Variants in ABCB4 observed in about 807,000 individuals in gnomAD.
ABCB4 encodes ATP binding cassette subfamily B member 4.
Under a neutral mutation model 145.7 loss-of-function variants are expected in ABCB4, and 76 were observed. The observed-to-expected ratio is 0.52, with a 90% CI of 0.43 to 0.63. The LOEUF (loss-of-function observed/expected upper bound fraction) is 0.63. Ranked by LOEUF, ABCB4 falls within the 30% of genes least tolerant of loss-of-function variation. The probability of loss-of-function intolerance (pLI) is 0.00; values close to 1 mark genes in which losing one functional copy is unlikely to be tolerated. For synonymous variants in ABCB4, 517 were observed against 566.8 expected (o/e 0.91, Z 1.25); for missense variants, 1,234 against 1,553.1 (o/e 0.79, Z 3.45).
chr7:87,402,835 C>T (rs911356716), intron 27 of ABCB4, among the ~76,000 whole-genome samples: 1 of 152,012 alleles, frequency 6.6e-6, no homozygotes, highest in East Asian at 1.9e-4. Context: ...CCTGTCTCTA[C>T]TAAAAATACA....
chr7:87,376,042 T>TA, the ABCB4 span: 1 of 1,299,538 alleles, frequency 7.7e-7, no homozygotes, highest in Non-Finnish European at 1.0e-6. Context: ...TTTCTTTTTC[T>TA]ACCTTTAGGC....
chr7:87,412,431 C>T (rs1297034081), intron 22 of ABCB4, among the ~76,000 whole-genome samples: 1 of 152,094 alleles, frequency 6.6e-6, no homozygotes, highest in East Asian at 1.9e-4. Context: ...ATGTTGTTTC[C>T]TGTAACTAAT....
intron 17 of ABCB4, among the ~76,000 whole-genome samples, chr7:87,422,653 T>C (rs569690129): frequency 3.2e-4 from 48 of 152,260 alleles, no homozygotes; most frequent in Admixed American, 2.8e-3. Flanking sequence ...TTCCTATATG[T>C]CCCTTGCTCC....
rs143755218 is a variant in ABCB4, at chr7:87,429,077, T to C, written c.1894-2157A>G. Reference sequence around the variant, plus strand: ...AAAACAAGGGTGAATGAAAACCAGGTTGGTCTTTGAAACTTGAGAAAAGAG... The same window carrying C: ...AAAACAAGGGTGAATGAAAACCAGGCTGGTCTTTGAAACTTGAGAAAAGAG... On this transcript the variant is annotated intron_variant, in intron 15 of 27. Coordinates refer to ENST00000649586, the MANE Select transcript of ABCB4 (RefSeq NM_000443.4). 4.1e-3 allele frequency among the ~76,000 whole-genome samples: 618 copies of C among 152,232 alleles called. 1 individual carries two copies. Among genetic ancestry groups the C allele is most frequent in the Non-Finnish European group, 6.5e-3 (440 of 68,004 alleles).
chr7:87,463,274 C>T (rs1357969950), intron 3 of ABCB4, among the ~76,000 whole-genome samples: 1 of 147,480 alleles, frequency 6.8e-6, no homozygotes, highest in East Asian at 2.0e-4. Context: ...CACACACACA[C>T]ACCACATCCT....
intron 3 of ABCB4, among the ~76,000 whole-genome samples, chr7:87,468,862 C>T (rs1035250603): frequency 7.3e-5 from 11 of 151,598 alleles, no homozygotes; most frequent in East Asian, 1.9e-4. Flanking sequence ...ACCCGGGAGG[C>T]GCAGCTTGCA....
chr7:87,414,956 C>T (rs1808867595), intron 21 of ABCB4, among the ~76,000 whole-genome samples: 1 of 152,136 alleles, frequency 6.6e-6, no homozygotes, highest in African/African-American at 2.4e-5. Flanking sequence ...GCCTTAAGTT[C>T]TAAAGTTAAT....
At chr7:87,474,803 TA>T (rs1327062208) in intron 2 of ABCB4, among the ~76,000 whole-genome samples, 1 of 152,004 alleles carries the variant, frequency 6.6e-6, no homozygotes, top group Non-Finnish European at 1.5e-5. Context: ...TGCTTCCCCC[TA>T]CCACTTGAAC....
Position 87,424,839 on chromosome 7 carries a change from G to A in ABCB4, c.2065-787C>T, listed in dbSNP as rs1809697573. On this transcript the variant is annotated intron_variant, in intron 16 of 27. Coordinates refer to ENST00000649586, the MANE Select transcript of ABCB4 (RefSeq NM_000443.4). ...AATGTTTAATTAAATGTCTGGCCAAGCATGCAGGATTTAGGTCTCATAAAG... is the reference window on the plus strand; with the variant it reads ...AATGTTTAATTAAATGTCTGGCCAAACATGCAGGATTTAGGTCTCATAAAG... Among the ~76,000 whole-genome samples, 3 of 152,104 alleles carry A rather than the reference G, an allele frequency of 2.0e-5. No homozygotes were observed. The South Asian group carries it at 6.2e-4, about 32-fold the overall frequency.
Position 87,440,111 on chromosome 7 carries a change from C to T in ABCB4, c.1560+88G>A, listed in dbSNP as rs1810871645. Reference sequence around the variant, plus strand: ...AAGTTGGACAATCTTGCATCTCAAACATTATTAGCTAAACCTTTGAAGAAT... The same window carrying T: ...AAGTTGGACAATCTTGCATCTCAAATATTATTAGCTAAACCTTTGAAGAAT... On this transcript the variant is annotated intron_variant, in intron 13 of 27. Coordinates refer to ENST00000649586, the MANE Select transcript of ABCB4 (RefSeq NM_000443.4). The T allele has an allele frequency of 2.7e-5, 39 of 1,432,336 alleles. No individual in the cohort carries two copies. The South Asian group carries it at 4.5e-4, about 16-fold the overall frequency. The allele number at this position is 1,432,336 out of a possible 1,614,324, so 88.7% of individuals were successfully genotyped here. A position where few individuals can be genotyped will look rare whatever the true frequency, so the allele number is the denominator to read the frequency against.
At chr7:87,436,134 G>A (rs1344818136) in intron 14 of ABCB4, among the ~76,000 whole-genome samples, 1 of 152,166 alleles carries the variant, frequency 6.6e-6, no homozygotes, top group Non-Finnish European at 1.5e-5. Context: ...AGAATGATCA[G>A]CTAAAGAATG....
the ABCB4 span, among the ~76,000 whole-genome samples, chr7:87,390,749 C>G: frequency 6.6e-6 from 1 of 152,204 alleles, no homozygotes; most frequent in African/African-American, 2.4e-5. Context: ...TCTAGTCCTT[C>G]ATGTTCTATA....
the ABCB4 span, among the ~76,000 whole-genome samples, chr7:87,381,349 G>T: frequency 5.9e-4 from 90 of 152,264 alleles, no homozygotes; most frequent in African/African-American, 2.1e-3. Context: ...ACCTGAAACA[G>T]CCCCGTAACA....
chr7:87,418,592 T>C lies in ABCB4; in HGVS notation c.2423A>G (p.Asn808Ser). 2 of 1,614,152 alleles carry C rather than the reference T, an allele frequency of 1.2e-6. No individual in the cohort carries two copies. Among genetic ancestry groups the C allele is most frequent in the South Asian group, 2.2e-5 (2 of 91,086 alleles). Reference sequence around the variant, plus strand: ...TCTTGTAGAAAGTGCACCAGTACTGTTTTTATGGTCATCAAACCAGCTCAT... The same window carrying C: ...TCTTGTAGAAAGTGCACCAGTACTGCTTTTATGGTCATCAAACCAGCTCAT... ...QDMSWFDDHK[N>S]STGALSTRLA... The change falls in exon 20 of 28, where the codon AAC becomes AGC. Residue 808 changes from asparagine to serine, a missense_variant. Transcript: ENST00000649586.
chr7:87,366,270 A>G, the ABCB4 span, among the ~76,000 whole-genome samples: 8 of 151,654 alleles, frequency 5.3e-5, no homozygotes, highest in Non-Finnish European at 1.2e-4. Flanking sequence ...ATAGCACTAC[A>G]GGGCCTGTGG....
chr7:87,373,948 T>G, the ABCB4 span, among the ~76,000 whole-genome samples: 2 of 152,062 alleles, frequency 1.3e-5, no homozygotes, highest in African/African-American at 4.8e-5. Context: ...CATTCTATAA[T>G]GAGGAAAATT....
the ABCB4 span, among the ~76,000 whole-genome samples, chr7:87,380,168 C>A: frequency 1.7e-5 from 1 of 58,318 alleles, no homozygotes; most frequent in African/African-American, 4.2e-5. Context: ...GCTTATTTTA[C>A]CCTAAAGCCA....
chr7:87,397,584 T>C (rs1219553145), downstream of ABCB4, among the ~76,000 whole-genome samples: 1 of 152,174 alleles, frequency 6.6e-6, no homozygotes, highest in Non-Finnish European at 1.5e-5. Context: ...TGCTGCTAAA[T>C]ATCTGGGAAT....
At chr7:87,377,706 T>C in the ABCB4 span, among the ~76,000 whole-genome samples, 1 of 152,204 alleles carries the variant, frequency 6.6e-6, no homozygotes, top group Non-Finnish European at 1.5e-5. Context: ...ATATAAGCTC[T>C]TAAAACCCAG....
Sources: gnomAD v4.1 joint callset for allele counts (sites outside exome capture counted in the v4.1 genomes callset) on GRCh38, gnomAD v4.1.1 for gene constraint, MANE v1.5 for transcripts, NCBI Gene and HGNC (gene_info 2026-07-23, HGNC 2026-07-21) for gene names.